Variants in PLCG2 observed in about 807,000 individuals in gnomAD.
PLCG2 encodes the protein phospholipase C gamma 2.
Under a neutral mutation model 175.6 loss-of-function variants are expected in PLCG2, and 69 were observed. The ratio of observed to expected loss-of-function variants is 0.39; its 90% CI spans 0.32 to 0.48. PLCG2 has a LOEUF of 0.48. PLCG2 is among the 20% of genes least tolerant of loss of function. PLCG2 has a pLI of 0.91. For synonymous variants in PLCG2, 827 were observed against 624.0 expected (o/e 1.33, Z -4.85); for missense variants, 1,798 against 1,650.9 (o/e 1.09, Z -1.54).
In PLCG2 at chr16:81,921,193, TCCAG is replaced by T; in HGVS notation, c.2236-4_2236-1del. ...TTCCATTTCTTTCTTTCTTTTTTTT[TCCAG>T]GAAAGAGATATAAACTCCCTCTACG... On this transcript the variant is annotated splice_acceptor_variant and splice_polypyrimidine_tract_variant and intron_variant, in intron 20 of 32. Coordinates refer to ENST00000564138, the MANE Select transcript of PLCG2 (RefSeq NM_002661.5). LOFTEE classifies it high-confidence loss of function. 1.3e-6 allele frequency: 2 copies of T among 1,554,754 alleles called. No homozygotes were observed. The highest frequency in any genetic ancestry group is 1.1e-5 in the South Asian group (1 of 89,746).
chr16:81,941,584 C>G (rs1270339753), intron 30 of PLCG2, among the ~76,000 whole-genome samples: 1 of 146,702 alleles, frequency 6.8e-6, no homozygotes, highest in South Asian at 2.1e-4. Flanking sequence ...TTTTTGTACT[C>G]TAGAAATGTT....
chr16:81,809,975 C>T (rs1236582336), intron 2 of PLCG2, among the ~76,000 whole-genome samples: 1 of 151,994 alleles, frequency 6.6e-6, no homozygotes, highest in Non-Finnish European at 1.5e-5. Flanking sequence ...TCTTTGTCTG[C>T]CACCATGGTT....
In PLCG2 at chr16:81,779,291, A is replaced by T. The variant is rs1243297134; in HGVS notation, c.-181A>T. ...CGTGGCGCGGCGCCGCGGCCGAAGC[A>T]GAAGTAGCGAGCGCCGGCGGCGGAG... is the stretch of plus-strand genomic sequence containing the variant. On this transcript the variant is annotated 5_prime_UTR_variant, in exon 1 of 33. Coordinates refer to ENST00000564138, the MANE Select transcript of PLCG2 (RefSeq NM_002661.5). 6.6e-6 allele frequency: 1 copy of T among 150,392 alleles called. No individual in the cohort carries two copies. The highest frequency in any genetic ancestry group is 1.5e-5 in the Non-Finnish European group (1 of 67,352). 9.3% of individuals were successfully genotyped at this position (150,392 alleles called of 1,614,324 possible).
At chr16:81,808,748 C>G (rs1417806315) in intron 2 of PLCG2, among the ~76,000 whole-genome samples, 1 of 152,208 alleles carries the variant, frequency 6.6e-6, no homozygotes, top group East Asian at 1.9e-4. Context: ...CTGCCTCTGC[C>G]TCCCAAAGTG....
intron 2 of PLCG2, among the ~76,000 whole-genome samples, chr16:81,810,810 C>A (rs928418523): frequency 4.6e-5 from 7 of 152,148 alleles, no homozygotes; most frequent in African/African-American, 7.2e-5. Context: ...GAGACAGGGT[C>A]TTTAATTTCA....
intron 7 of PLCG2, 128 bp downstream of exon 7, chr16:81,871,063 GA>G: frequency 1.8e-6 from 1 of 558,848 alleles, no homozygotes; most frequent in South Asian, 2.5e-5. Flanking sequence ...ACATAAATGA[GA>G]ATGATGAAAG....
chr16:81,788,284 A>C (rs545270539), intron 2 of PLCG2, among the ~76,000 whole-genome samples: 2 of 152,196 alleles, frequency 1.3e-5, no homozygotes, highest in South Asian at 2.1e-4. Flanking sequence ...AGGATATGGC[A>C]TATATATATT....
intron 2 of PLCG2, among the ~76,000 whole-genome samples, chr16:81,818,230 C>G (rs1365408047): frequency 6.6e-6 from 1 of 152,228 alleles, no homozygotes; most frequent in Non-Finnish European, 1.5e-5. Flanking sequence ...TCTGCCTGAT[C>G]AAGTCTGTGG....
At chr16:81,785,098 G>T (rs558583815) in intron 1 of PLCG2, among the ~76,000 whole-genome samples, 1 of 152,248 alleles carries the variant, frequency 6.6e-6, no homozygotes, top group East Asian at 1.9e-4. Context: ...GAGATCCTAG[G>T]AGGAGCCGGT....
At position 81,943,779 on chromosome 16, in the gene PLCG2, A is replaced by T. The variant is rs140709361; in HGVS notation, c.3482-2396A>T. On this transcript the variant is annotated intron_variant, in intron 30 of 32. Coordinates refer to ENST00000564138, the MANE Select transcript of PLCG2 (RefSeq NM_002661.5). The stretch of plus-strand genomic sequence containing the variant: ...TAGCAACAAAAATCACATTGTAGCG[A>T]TAGGGAAAAATAGGTCAGAAAACTT... 1.7e-3 allele frequency among the ~76,000 whole-genome samples: 265 copies of T among 152,374 alleles called. 1 individual carries two copies. Among genetic ancestry groups the T allele is most frequent in the Non-Finnish European group, 2.9e-3 (195 of 68,038 alleles).
Position 81,812,576 on chromosome 16 carries a change from G to C in PLCG2, c.193+26394G>C, listed in dbSNP as rs191863851. On this transcript the variant is annotated intron_variant, in intron 2 of 32. Coordinates refer to ENST00000564138, the MANE Select transcript of PLCG2 (RefSeq NM_002661.5). ...TTGTTTAAGTTCTTTGTAGATTCTG[G>C]ATATTAGCCATTTGTCAGATGGATA... Among the ~76,000 whole-genome samples, 605 of 152,246 alleles carry C rather than the reference G, an allele frequency of 4.0e-3. 3 individuals carry two copies. Among genetic ancestry groups the C allele is most frequent in the Non-Finnish European group, 5.7e-3 (390 of 68,014 alleles).
In PLCG2 at chr16:81,787,393, A is replaced by ATTTT. The variant is rs67160306; in HGVS notation, c.193+1226_193+1229dup. ...TGCACCGCCATGCCTGGATAATTTAATTTTTTTTTTTTTTTTTTGTAGAGA... is the reference window on the plus strand; with the variant it reads ...TGCACCGCCATGCCTGGATAATTTAATTTTTTTTTTTTTTTTTTTTTTGTAGAGA... On this transcript the variant is annotated intron_variant, in intron 2 of 32. Transcript: ENST00000564138. Among the ~76,000 whole-genome samples, 56 of 94,548 alleles carry ATTTT rather than the reference A, an allele frequency of 5.9e-4. 1 individual carries two copies. Among genetic ancestry groups the ATTTT allele is most frequent in the Admixed American group, 1.0e-3 (8 of 7,942 alleles). The allele number at this position is 94,548 out of a possible 152,430, so 62.0% of individuals were successfully genotyped here.
chr16:81,957,876 G>A (rs1205178864), intron 32 of PLCG2, 80 bp from the exon 33 acceptor site: 1 of 1,270,168 alleles, frequency 7.9e-7, no homozygotes, highest in African/African-American at 1.5e-5. Context: ...CAAATGTACA[G>A]AAAGAGAAAT....
upstream of PLCG2, among the ~76,000 whole-genome samples, chr16:81,777,568 T>C (rs898983631): frequency 2.0e-5 from 3 of 151,984 alleles, no homozygotes; most frequent in Admixed American, 2.0e-4. Flanking sequence ...CTTTAAAAAA[T>C]TGATGTGTTA....
intron 1 of PLCG2, among the ~76,000 whole-genome samples, chr16:81,784,342 G>C (rs766770084): frequency 6.6e-6 from 1 of 152,236 alleles, no homozygotes; most frequent in Non-Finnish European, 1.5e-5. Context: ...GCTGCAGGCT[G>C]TGCATACATT....
At chr16:81,775,962 G>A (rs937998244), upstream of PLCG2, among the ~76,000 whole-genome samples, 4 of 151,708 alleles carry the variant, frequency 2.6e-5, no homozygotes, top group African/African-American at 9.7e-5. Flanking sequence ...ACAGGCTGAG[G>A]TTCAAATCCA....
intron 2 of PLCG2, among the ~76,000 whole-genome samples, chr16:81,763,267 C>A (rs748153631): frequency 2.6e-5 from 4 of 152,220 alleles, no homozygotes; most frequent in Admixed American, 6.5e-5. Context: ...AAAATAATCT[C>A]CCTGTATCAG....
chr16:81,798,372 C>T (rs1040186032), intron 2 of PLCG2: 3 of 152,262 alleles, frequency 2.0e-5, no homozygotes, highest in African/African-American at 7.2e-5. Flanking sequence ...TCCTCCTGCT[C>T]TTCTGTAGCA....
intron 12 of PLCG2, 113 bp downstream of exon 12, chr16:81,893,907 C>T (rs754859673): frequency 3.1e-6 from 2 of 647,904 alleles, no homozygotes; most frequent in Non-Finnish European, 5.5e-6. Context: ...CACATAATAA[C>T]TGTGCATATT....
Sources: gnomAD v4.1 joint callset for allele counts (sites outside exome capture counted in the v4.1 genomes callset) on GRCh38, gnomAD v4.1.1 for gene constraint, MANE v1.5 for transcripts, NCBI Gene and HGNC (gene_info 2026-07-23, HGNC 2026-07-21) for gene names.